Variants in RBFOX1 observed in about 807,000 individuals in gnomAD.
RBFOX1 encodes the protein RNA binding protein fox-1 homolog 1.
A neutral mutation model predicts 57.7 loss-of-function variants in RBFOX1; 8 were observed. That is an observed-to-expected ratio of 0.14 (90% CI 0.08 to 0.25). RBFOX1 has a LOEUF of 0.25. Among genes scored for constraint, RBFOX1 ranks in the 10% least tolerant of loss-of-function variants. RBFOX1 has a pLI of 1.00. For missense variants in RBFOX1, 611 were observed against 548.5 expected, an observed-to-expected ratio of 1.11 and a Z score of -1.14; for synonymous variants, 326 against 222.4, an observed-to-expected ratio of 1.47 and a Z score of -4.15.
intron 1 of RBFOX1, among the ~76,000 whole-genome samples, chr16:6,197,378 A>C (rs1218336144): frequency 6.6e-6 from 1 of 150,976 alleles, no homozygotes; most frequent in African/African-American, 2.4e-5. Flanking sequence ...ATACCCCTCC[A>C]CCCCATCCGC....
chr16:5,886,558 C>T lies in RBFOX1; in HGVS notation c.351+19223C>T, dbSNP rs534969142. On this transcript the variant is annotated intron_variant, in intron 4 of 19. Coordinates refer to the RBFOX1 transcript ENST00000641259. ...TTTGGTCTTCTTATGTGAAAGAATACCATTGGCCCTGAGCTGGAGGATGAC... is the reference window on the plus strand; with the variant it reads ...TTTGGTCTTCTTATGTGAAAGAATATCATTGGCCCTGAGCTGGAGGATGAC... Among the ~76,000 whole-genome samples, 76 of 152,286 alleles carry T rather than the reference C, an allele frequency of 5.0e-4. 1 individual carries two copies. Among genetic ancestry groups the T allele is most frequent in the African/African-American group, 1.8e-3 (73 of 41,550 alleles).
intron 3 of RBFOX1, among the ~76,000 whole-genome samples, chr16:6,826,854 C>T (rs7202490): frequency 0.51 from 77,163 of 151,934 alleles, 20,805 homozygotes; most frequent in East Asian, 0.77. Flanking sequence ...AATCCTCAAA[C>T]GCAGTTGGAT....
chr16:5,713,325 A>G (rs1037408355), intron 3 of RBFOX1, among the ~76,000 whole-genome samples: 3 of 152,158 alleles, frequency 2.0e-5, no homozygotes, highest in African/African-American at 7.2e-5. Flanking sequence ...GGAAGGGAGG[A>G]AGGGAGTCAG....
chr16:6,359,221 T>TAG (rs1157254003), intron 2 of RBFOX1, among the ~76,000 whole-genome samples: 1 of 152,148 alleles, frequency 6.6e-6, no homozygotes, highest in Non-Finnish European at 1.5e-5. Context: ...GCCTCCTGAG[T>TAG]AGCTGGGATG....
intron 4 of RBFOX1, among the ~76,000 whole-genome samples, chr16:7,417,789 C>G (rs1436263177): frequency 2.0e-5 from 3 of 152,292 alleles, no homozygotes; most frequent in South Asian, 2.1e-4. Context: ...GTTGGTCACC[C>G]TCTGTGCATG....
chr16:5,707,193 C>A (rs2051284357), intron 3 of RBFOX1, among the ~76,000 whole-genome samples: 1 of 152,168 alleles, frequency 6.6e-6, no homozygotes. Context: ...GAGTAGGACT[C>A]ACACCTGTAA....
intron 3 of RBFOX1, among the ~76,000 whole-genome samples, chr16:5,748,185 T>C (rs549857555): frequency 3.3e-5 from 5 of 152,266 alleles, no homozygotes; most frequent in Non-Finnish European, 5.9e-5. Context: ...TTGAGTGGTT[T>C]TGAGTGAGTT....
intron 4 of RBFOX1, among the ~76,000 whole-genome samples, chr16:7,206,453 A>AAT (rs202011116): frequency 0.11 from 17,325 of 150,762 alleles, 1,179 homozygotes; most frequent in African/African-American, 0.16. Context: ...TTTCCTTATT[A>AAT]ATATATATAA....
At chr16:7,696,886 A>C (rs1467112953) in intron 14 of RBFOX1, among the ~76,000 whole-genome samples, 2 of 152,168 alleles carry the variant, frequency 1.3e-5, no homozygotes, top group Non-Finnish European at 2.9e-5. Flanking sequence ...CAGCAGGTGC[A>C]GAGACCCTGT....
chr16:7,602,617 G>T (rs1020614876), intron 9 of RBFOX1, among the ~76,000 whole-genome samples: 1 of 152,176 alleles, frequency 6.6e-6, no homozygotes, highest in Non-Finnish European at 1.5e-5. Context: ...GTACGAGGAG[G>T]AGTCACAGGG....
intron 3 of RBFOX1, among the ~76,000 whole-genome samples, chr16:6,926,045 G>T (rs978954362): frequency 6.6e-6 from 1 of 152,004 alleles, no homozygotes; most frequent in African/African-American, 2.4e-5. Flanking sequence ...TTGGTGGCTC[G>T]TGTTAGTCCC....
At chr16:7,097,816 G>A (rs921632801) in intron 4 of RBFOX1, among the ~76,000 whole-genome samples, 1 of 152,188 alleles carries the variant, frequency 6.6e-6, no homozygotes, top group Non-Finnish European at 1.5e-5. Context: ...AGAAAAATAC[G>A]AAGTATATGG....
Position 7,561,787 on chromosome 16 carries a change from A to C in RBFOX1, c.271-17990A>C, listed in dbSNP as rs558719719. ...ATTCATCACCCATTTTCTGCAACTG[A>C]ATTGTGCTTTCAGCAGTTTTCTTAG... On this transcript the variant is annotated intron_variant, in intron 5 of 15. Transcript: ENST00000550418. Among the ~76,000 whole-genome samples, 3 of 152,318 alleles carry C rather than the reference A, an allele frequency of 2.0e-5. No individual in the cohort carries two copies. In the East Asian group the frequency reaches 5.8e-4, roughly 29 times the overall value.
intron 3 of RBFOX1, among the ~76,000 whole-genome samples, chr16:5,605,789 T>C (rs766134364): frequency 4.4e-4 from 67 of 152,100 alleles, no homozygotes; most frequent in Non-Finnish European, 6.2e-4. Flanking sequence ...CATTGATTAG[T>C]AATGTCTTCC....
chr16:6,922,343 C>A (rs189666532), intron 3 of RBFOX1, among the ~76,000 whole-genome samples: 1 of 152,086 alleles, frequency 6.6e-6, no homozygotes, highest in Non-Finnish European at 1.5e-5. Context: ...TGGCAAGTTT[C>A]GCATGCTGCA....
intron 1 of RBFOX1, among the ~76,000 whole-genome samples, chr16:6,199,286 C>T (rs1160372885): frequency 6.6e-6 from 1 of 152,136 alleles, no homozygotes; most frequent in East Asian, 1.9e-4. Context: ...ACATAATTGA[C>T]TACAGTATTT....
intron 2 of RBFOX1, among the ~76,000 whole-genome samples, chr16:6,415,759 T>G (rs2093607949): frequency 6.6e-6 from 1 of 152,120 alleles, no homozygotes; most frequent in Admixed American, 6.5e-5. Flanking sequence ...AGCTCCAATA[T>G]GTAACCCCCA....
intron 3 of RBFOX1, among the ~76,000 whole-genome samples, chr16:6,857,673 T>C (rs995800675): frequency 3.2e-4 from 48 of 152,340 alleles, no homozygotes; most frequent in African/African-American, 1.1e-3. Context: ...ACTTACTCTC[T>C]GTGATAGCAG....
At chr16:7,339,085 A>T (rs2096845463) in intron 4 of RBFOX1, among the ~76,000 whole-genome samples, 1 of 152,204 alleles carries the variant, frequency 6.6e-6, no homozygotes, top group Non-Finnish European at 1.5e-5. Context: ...TTTGGAGTCA[A>T]ACAGGTCCAG....
Sources: allele counts gnomAD v4.1 joint callset (sites outside exome capture counted in the v4.1 genomes callset), GRCh38; gene constraint gnomAD v4.1.1; transcripts MANE v1.5; gene names NCBI Gene and HGNC (gene_info 2026-07-23, HGNC 2026-07-21).